Variants in HNRNPM observed in about 807,000 individuals in gnomAD.
HNRNPM encodes CEA receptor.
HNRNPM carries 11 observed loss-of-function variants against 73.1 expected under a neutral mutation model. That is an observed-to-expected ratio of 0.15 (90% confidence interval 0.09 to 0.25). The LOEUF (loss-of-function observed/expected upper bound fraction) is 0.25. Ranked by LOEUF, HNRNPM falls within the 10% of genes least tolerant of loss-of-function variation. The probability of loss-of-function intolerance (pLI) is 1.00; values close to 1 mark genes in which losing one functional copy is unlikely to be tolerated. For synonymous variants in HNRNPM, 407 were observed against 355.2 expected, an observed-to-expected ratio of 1.15 and a Z score of -1.64; for missense variants, 789 against 1,067.9, an observed-to-expected ratio of 0.74 and a Z score of 3.64.
chr19:8,471,366 G>A lies in HNRNPM; in HGVS notation c.936G>A (p.Gly312=), dbSNP rs1285100083. The A allele has an allele frequency of 3.1e-6, 5 of 1,608,158 alleles. 1 individual carries two copies. In the South Asian group the frequency reaches 5.6e-5, roughly 18 times the overall value. ...TTGGCATGGGGTTAGGACCAGGAGG[G>A]CAACCCATTGATGCCAATCACCTGA... ...GGIGMGLGPG[G]QPIDANHLNK... Residue 312 remains glycine (G), a synonymous_variant, in exon 10 of 16, where the codon GGG becomes GGA. Coordinates refer to ENST00000325495, the MANE Select transcript of HNRNPM (RefSeq NM_005968.5).
intron 14 of HNRNPM, among the ~76,000 whole-genome samples, chr19:8,486,639 A>T (rs1055094377): frequency 1.7e-5 from 1 of 59,600 alleles, no homozygotes; most frequent in Non-Finnish European, 5.3e-5. Flanking sequence ...GAGCTCAGAG[A>T]CTCCAGTTTC....
intron 1 of HNRNPM, among the ~76,000 whole-genome samples, chr19:8,449,224 C>CT (rs1968441941): frequency 6.6e-6 from 1 of 152,114 alleles, no homozygotes; most frequent in Non-Finnish European, 1.5e-5. Context: ...TCACTCAGCT[C>CT]TTTGATTTTA....
chr19:8,461,053 A>G (rs1969361850), intron 2 of HNRNPM, among the ~76,000 whole-genome samples: 2 of 152,188 alleles, frequency 1.3e-5, no homozygotes, highest in Non-Finnish European at 2.9e-5. Context: ...CATACTCTAA[A>G]AGTAAATTGT....
chr19:8,462,453 A>T lies in HNRNPM; in HGVS notation c.284-76A>T. The T allele has an allele frequency of 7.9e-7, 1 of 1,268,802 alleles. No individual in the cohort carries two copies. Among genetic ancestry groups the T allele is most frequent in the Non-Finnish European group, 1.2e-6 (1 of 865,328 alleles). The allele number at this position is 1,268,802 out of a possible 1,614,324, so 78.6% of individuals were successfully genotyped here. A position where few individuals can be genotyped will look rare whatever the true frequency, so the allele number is the denominator to read the frequency against. ...GCAGAGGCTCCATACAAGGTTGCTGATGATTGTTCTAAATTCCCATTGTTT... is the reference window on the plus strand; with the variant it reads ...GCAGAGGCTCCATACAAGGTTGCTGTTGATTGTTCTAAATTCCCATTGTTT... On this transcript the variant is annotated intron_variant, in intron 2 of 15. Transcript: ENST00000325495. This position sits in a 1 kb window ranked among gnomAD's most constrained non-coding sequence, Gnocchi z 4.5.
intron 9 of HNRNPM, among the ~76,000 whole-genome samples, chr19:8,470,816 G>A (rs1189276190): frequency 6.6e-6 from 1 of 152,138 alleles, no homozygotes; most frequent in Non-Finnish European, 1.5e-5. Flanking sequence ...GGGAAGCTTT[G>A]GGGGAAGGAA....
rs1971273223 is a variant in HNRNPM, at chr19:8,486,080, T to C, written c.1652T>C (p.Met551Thr). 1 of 1,604,906 alleles carries C rather than the reference T, an allele frequency of 6.2e-7. No homozygotes were observed. Among genetic ancestry groups the C allele is most frequent in the Non-Finnish European group, 8.5e-7 (1 of 1,179,208 alleles). The change falls in exon 14 of 16, where the codon ATG (methionine) becomes ACG (threonine). Residue 551 changes from methionine to threonine, a missense_variant. By Grantham distance (81) the Met-to-Thr change is moderately conservative (BLOSUM62 -1). Transcript: ENST00000325495. ...LERMGPVMDR[M>T]ATGLERMGAN... ...CGCATGGGCCCCGTGATGGATCGCA[T>C]GGCCACCGGCCTGGAGCGCATGGGC...
chr19:8,457,975 A>C (rs1033083230), intron 2 of HNRNPM, among the ~76,000 whole-genome samples: 8 of 152,208 alleles, frequency 5.3e-5, no homozygotes, highest in Admixed American at 6.5e-5. Flanking sequence ...AGGTCTGATG[A>C]ATCTTAGCCT....
intron 13 of HNRNPM, 54 bp from the exon 14 acceptor site, chr19:8,485,549 C>G: frequency 5.9e-6 from 9 of 1,527,436 alleles, no homozygotes; most frequent in Non-Finnish European, 8.0e-6. Flanking sequence ...GCGTGTTGTG[C>G]ACACGCACAC....
At chr19:8,464,409 G>A (rs1969600310) in intron 5 of HNRNPM, among the ~76,000 whole-genome samples, 1 of 152,116 alleles carries the variant, frequency 6.6e-6, no homozygotes, top group African/African-American at 2.4e-5. Flanking sequence ...AGGCTGAGGT[G>A]GGTGGATCAA....
At position 8,474,190 on chromosome 19, in the gene HNRNPM, G is replaced by T; in HGVS notation, c.1066G>T (p.Gly356Cys). 3 of 1,598,760 alleles carry T rather than the reference G, an allele frequency of 1.9e-6. No homozygotes were observed. The highest frequency in any genetic ancestry group is 2.6e-6 in the Non-Finnish European group (3 of 1,173,644). Residue 356 changes from glycine (G) to cysteine (C), a missense_variant, in exon 12 of 16, where the codon GGT becomes TGT. By Grantham distance (159) the Gly-to-Cys change is radical. Transcript: ENST00000325495. ...MGGMEGPFGG[G>C]MENMGRFGSG... ...AGGAATGGAGGGGCCCTTTGGTGGTGGTATGGAAAACATGGGTCGATTTGG... is the reference window on the plus strand; with the variant it reads ...AGGAATGGAGGGGCCCTTTGGTGGTTGTATGGAAAACATGGGTCGATTTGG...
chr19:8,463,863 G>A (rs1969559959), intron 5 of HNRNPM, 177 bp downstream of exon 5: 1 of 575,640 alleles, frequency 1.7e-6, no homozygotes, highest in East Asian at 2.9e-5. Flanking sequence ...AAGGACTTTG[G>A]GGTGGTGGCC....
intron 12 of HNRNPM, among the ~76,000 whole-genome samples, chr19:8,479,967 G>T (rs963541993): frequency 2.7e-5 from 4 of 148,522 alleles, no homozygotes; most frequent in African/African-American, 9.8e-5. Context: ...TAGAGATGGG[G>T]TTTCACCATC....
chr19:8,449,443 G>C (rs1968457535), intron 1 of HNRNPM, among the ~76,000 whole-genome samples: 1 of 152,182 alleles, frequency 6.6e-6, no homozygotes. Context: ...CTGAACAGTA[G>C]AAGGCTAGGA....
At chr19:8,452,864 A>G (rs1968725984) in intron 1 of HNRNPM, among the ~76,000 whole-genome samples, 2 of 152,130 alleles carry the variant, frequency 1.3e-5, no homozygotes, top group East Asian at 1.9e-4. Flanking sequence ...TTTTTGAGAC[A>G]GGGTCTTGCT....
At chr19:8,453,468 G>A (rs2145621646) in intron 1 of HNRNPM, among the ~76,000 whole-genome samples, 1 of 152,280 alleles carries the variant, frequency 6.6e-6, no homozygotes, top group South Asian at 2.1e-4. Flanking sequence ...TAAAATAGTA[G>A]CTTCTCCAGC....
intron 9 of HNRNPM, among the ~76,000 whole-genome samples, chr19:8,469,968 A>C (rs2145688269): frequency 6.6e-6 from 1 of 152,372 alleles, no homozygotes; most frequent in South Asian, 2.1e-4. Context: ...CATTAGTTAG[A>C]GAAGGATTGC....
chr19:8,460,350 C>T (rs1216364918), intron 2 of HNRNPM, among the ~76,000 whole-genome samples: 1 of 152,142 alleles, frequency 6.6e-6, no homozygotes, highest in African/African-American at 2.4e-5. Context: ...GATGGTCTCT[C>T]AGGGTAGAGG....
At chr19:8,453,144 T>G (rs187861542) in intron 1 of HNRNPM, among the ~76,000 whole-genome samples, 1 of 146,500 alleles carries the variant, frequency 6.8e-6, no homozygotes, top group African/African-American at 2.6e-5. Context: ...AGTGAATACT[T>G]TTGTTTGTTT....
chr19:8,466,724 G>C (rs1186449153), intron 7 of HNRNPM, among the ~76,000 whole-genome samples: 1 of 150,386 alleles, frequency 6.6e-6, no homozygotes, highest in East Asian at 2.0e-4. Context: ...TACTCGGGAG[G>C]CTGAGGCACA....
Sources: gnomAD v4.1 joint callset for allele counts (sites outside exome capture counted in the v4.1 genomes callset) on GRCh38, gnomAD v4.1.1 for gene constraint, Gnocchi (gnomAD v3.1) non-coding constraint, MANE v1.5 for transcripts, NCBI Gene and HGNC (gene_info 2026-07-23, HGNC 2026-07-21) for gene names.